The following MEGF10 variants were observed in gnomAD, a reference collection of about 807,000 sequenced individuals.
The protein encoded by MEGF10 is multiple epidermal growth factor-like domains protein 10.
A neutral mutation model predicts 147.5 loss-of-function variants in MEGF10; 86 were observed. The ratio of observed to expected loss-of-function variants is 0.58; its 90% CI spans 0.49 to 0.70. MEGF10 has a LOEUF of 0.70. Among genes scored for constraint, MEGF10 ranks in the 30% least tolerant of loss-of-function variants. The probability of loss-of-function intolerance (pLI) is 0.00; values close to 1 mark genes in which losing one functional copy is unlikely to be tolerated. For synonymous variants in MEGF10, 478 were observed against 525.5 expected (o/e 0.91, Z 1.24); for missense variants, 1,329 against 1,487.3 (o/e 0.89, Z 1.75).
At position 127,354,806 on chromosome 5, in the gene MEGF10, G is replaced by A. The variant is rs565083706; in HGVS notation, c.319+14176G>A. On this transcript the variant is annotated intron_variant, in intron 4 of 24. Coordinates refer to ENST00000503335, the MANE Select transcript of MEGF10 (RefSeq NM_001256545.2). ...CTGGAATATTTGACATGCTTAACTC[G>A]GGATCATATTGTCAACAGTTTTGTG... 1.6e-4 allele frequency among the ~76,000 whole-genome samples: 25 copies of A among 152,222 alleles called. 1 individual carries two copies. Among genetic ancestry groups the A allele is most frequent in the Admixed American group, 1.2e-3 (18 of 15,284 alleles).
chr5:127,253,761 T>C, the MEGF10 span, among the ~76,000 whole-genome samples: 4 of 152,098 alleles, frequency 2.6e-5, no homozygotes, highest in African/African-American at 7.2e-5. Context: ...ACAGGACTTA[T>C]AACAAGAAAA....
At chr5:127,278,039 G>T in the MEGF10 span, among the ~76,000 whole-genome samples, 3 of 152,138 alleles carry the variant, frequency 2.0e-5, no homozygotes, top group South Asian at 6.2e-4. Flanking sequence ...GTCAGTAAAG[G>T]AATGGTATTT....
At position 127,391,100 on chromosome 5, in the gene MEGF10, GCGCACACACACACACACA is replaced by G. The variant is rs1296913556; in HGVS notation, c.413-5430_413-5413del. Among the ~76,000 whole-genome samples, 10 of 40,068 alleles carry G rather than the reference GCGCACACACACACACACA, an allele frequency of 2.5e-4. 1 individual carries two copies. In the East Asian group the frequency reaches 4.7e-3, roughly 19 times the overall value. The allele number at this position is 40,068 out of a possible 152,430, so 26.3% of individuals were successfully genotyped here. ...TACATACACACATGCGCGCGCGCGC[GCGCACACACACACACACA>G]CACACACACACACACACACACACAC... is the stretch of plus-strand genomic sequence containing the variant. On this transcript the variant is annotated intron_variant, in intron 5 of 24. Transcript: ENST00000503335.
the MEGF10 span, among the ~76,000 whole-genome samples, chr5:127,278,928 C>CT: frequency 2.6e-4 from 40 of 152,146 alleles, 1 homozygote; most frequent in Non-Finnish European, 2.9e-5. Context: ...CAAGGATCCA[C>CT]TTAGTACTAG....
chr5:127,369,780 A>C (rs558336635), intron 4 of MEGF10, 130 bp from the exon 5 acceptor site: 9 of 633,130 alleles, frequency 1.4e-5, no homozygotes, highest in Non-Finnish European at 2.7e-6. Flanking sequence ...TGAGGAACGG[A>C]CTGAAGAAAA....
chr5:127,269,877 G>A, the MEGF10 span, among the ~76,000 whole-genome samples: 1 of 152,232 alleles, frequency 6.6e-6, no homozygotes, highest in African/African-American at 2.4e-5. Flanking sequence ...GACTAACAGT[G>A]GATCTCTCAG....
chr5:127,244,328 G>A, the MEGF10 span, among the ~76,000 whole-genome samples: 3 of 149,150 alleles, frequency 2.0e-5, no homozygotes, highest in East Asian at 5.9e-4. Context: ...TCGTGCCACT[G>A]CACTGCAGCC....
the MEGF10 span, among the ~76,000 whole-genome samples, chr5:127,255,648 A>T: frequency 6.6e-6 from 1 of 152,208 alleles, no homozygotes; most frequent in South Asian, 2.1e-4. Context: ...GGGAGGAGAG[A>T]GTAAGAATGA....
the MEGF10 span, among the ~76,000 whole-genome samples, chr5:127,264,874 G>C: frequency 6.6e-6 from 1 of 151,578 alleles, no homozygotes; most frequent in African/African-American, 2.4e-5. Context: ...ATAGGTAAAC[G>C]TGTGCCATGG....
intron 23 of MEGF10, 89 bp from the exon 24 acceptor site, chr5:127,455,312 T>C (rs1766317575): frequency 9.3e-6 from 10 of 1,080,614 alleles, no homozygotes; most frequent in Non-Finnish European, 1.4e-5. Flanking sequence ...TATGGAAACC[T>C]AGCTATAAAG....
intron 1 of MEGF10, among the ~76,000 whole-genome samples, chr5:127,293,010 G>A (rs945720166): frequency 3.9e-5 from 6 of 152,132 alleles, no homozygotes; most frequent in African/African-American, 1.4e-4. Context: ...CACATAAAAA[G>A]CACGTATCAT....
chr5:127,405,065 T>A (rs1764273792), intron 8 of MEGF10, among the ~76,000 whole-genome samples: 1 of 152,106 alleles, frequency 6.6e-6, no homozygotes, highest in African/African-American at 2.4e-5. Flanking sequence ...AAGGATTAAA[T>A]AAGTTAGTGT....
intron 13 of MEGF10, among the ~76,000 whole-genome samples, chr5:127,430,474 T>C (rs1004249640): frequency 2.6e-5 from 4 of 152,210 alleles, no homozygotes; most frequent in African/African-American, 9.7e-5. Flanking sequence ...ATATACCTGG[T>C]GCGACTTAGA....
At chr5:127,364,208 C>T (rs937388461) in intron 4 of MEGF10, among the ~76,000 whole-genome samples, 2 of 152,208 alleles carry the variant, frequency 1.3e-5, no homozygotes, top group African/African-American at 4.8e-5. Flanking sequence ...GTACAGCCAT[C>T]ACATAATCAA....
At position 127,396,544 on chromosome 5, in the gene MEGF10, A is replaced by C; in HGVS notation, c.425A>C (p.Asp142Ala). The change falls in exon 6 of 25, where the codon GAT (aspartate) becomes GCT (alanine). Residue 142 changes from aspartate to alanine, a missense_variant. This residue lies in a region of MEGF10 where 980 missense variants were observed against 1,085.9 expected (regional missense o/e 0.90). Transcript: ENST00000503335. ...TCCTCAATCTCAGCCTGCGATGGTG[A>C]TCACTGGGGTCCCCACTGCACCAGC... ...GTNCSSACDG[D>A]HWGPHCTSRC... The C allele has an allele frequency of 6.5e-7, 1 of 1,544,684 alleles. No individual in the cohort carries two copies. Among genetic ancestry groups the C allele is most frequent in the South Asian group, 1.2e-5 (1 of 81,004 alleles).
intron 9 of MEGF10, among the ~76,000 whole-genome samples, chr5:127,417,182 G>A (rs1438599372): frequency 2.0e-5 from 3 of 152,332 alleles, no homozygotes; most frequent in Middle Eastern, 3.4e-3. Context: ...GCTGTTTCAG[G>A]TGGAGACAGC....
intron 4 of MEGF10, among the ~76,000 whole-genome samples, chr5:127,361,342 A>G (rs1762464355): frequency 6.6e-6 from 1 of 151,908 alleles, no homozygotes; most frequent in Non-Finnish European, 1.5e-5. Context: ...TTACCTGTAA[A>G]AAAATCTATA....
intron 10 of MEGF10, among the ~76,000 whole-genome samples, chr5:127,418,700 A>G (rs1764870151): frequency 6.6e-6 from 1 of 152,248 alleles, no homozygotes; most frequent in South Asian, 2.1e-4. Context: ...TAAAAATATT[A>G]CATATCATAC....
At position 127,417,702 on chromosome 5, in the gene MEGF10, A is replaced by T. The variant is rs1363131339; in HGVS notation, c.1195A>T (p.Thr399Ser). The T allele has an allele frequency of 6.2e-7, 1 of 1,614,160 alleles. No homozygotes were observed. Among genetic ancestry groups the T allele is most frequent in the South Asian group, 1.1e-5 (1 of 91,078 alleles). ...PGWSGLYCNETCSPGFYGEAC... is the reference protein window; with the variant it reads ...PGWSGLYCNESCSPGFYGEAC... Reference sequence around the variant, plus strand: ...CTGGTCAGGACTCTACTGTAATGAGACATGTTCTCCTGGATTCTACGGGGA... The same window carrying T: ...CTGGTCAGGACTCTACTGTAATGAGTCATGTTCTCCTGGATTCTACGGGGA... The change falls in exon 10 of 25, where the codon ACA becomes TCA. Residue 399 changes from threonine to serine, a missense_variant. Thr to Ser is a moderately conservative substitution (Grantham distance 58). Coordinates refer to ENST00000503335, the MANE Select transcript of MEGF10 (RefSeq NM_001256545.2).
Sources: allele counts gnomAD v4.1 joint callset (sites outside exome capture counted in the v4.1 genomes callset), GRCh38; gene constraint gnomAD v4.1.1; regional missense constraint gnomAD v4.1.1; transcripts MANE v1.5; gene names NCBI Gene and HGNC (gene_info 2026-07-23, HGNC 2026-07-21).